Variants in PROSER3 observed in about 807,000 individuals in gnomAD.
The protein encoded by PROSER3 is proline and serine rich 3, also known as proline and serine-rich protein 3.
PROSER3 carries 33 observed loss-of-function variants against 50.2 expected under a neutral mutation model. That is an observed-to-expected ratio of 0.66 (90% confidence interval 0.50 to 0.88). The LOEUF is 0.88. Among genes scored for constraint, PROSER3 ranks in the 40% least tolerant of loss-of-function variants. PROSER3 has a pLI of 0.00. For missense variants in PROSER3, 623 were observed against 612.7 expected, an observed-to-expected ratio of 1.02 and a Z score of -0.18; for synonymous variants, 266 against 259.3, an observed-to-expected ratio of 1.03 and a Z score of -0.25.
At chr19:35,759,544 A>G (rs1970884690) in intron 2 of PROSER3, 74 bp downstream of exon 2, 2 of 1,346,402 alleles carry the variant, frequency 1.5e-6, no homozygotes, top group African/African-American at 1.5e-5. Context: ...GTAGGAAGAC[A>G]TGTGATGAGA....
chr19:35,758,270 G>A, intron 1 of PROSER3, 44 bp downstream of exon 1: 5 of 1,553,014 alleles, frequency 3.2e-6, no homozygotes, highest in Non-Finnish European at 3.5e-6. Flanking sequence ...GGCTGGGGAG[G>A]ACCAACGGCG....
At position 35,766,339 on chromosome 19, in the gene PROSER3, G is replaced by A. The variant is rs190702426; in HGVS notation, c.770-429G>A. Among the ~76,000 whole-genome samples the A allele has an allele frequency of 2.6e-5, 4 of 152,168 alleles. No individual in the cohort carries two copies. In the East Asian group the frequency reaches 5.8e-4, roughly 22 times the overall value. On this transcript the variant is annotated intron_variant, in intron 7 of 10. Coordinates refer to ENST00000396908, the Ensembl canonical transcript of PROSER3. Reference sequence around the variant, plus strand: ...TGGGATGATGATGGCTTGAGCCCAGGAGTTTGAGACCAGCTTGGGCAACAA... The same window carrying A: ...TGGGATGATGATGGCTTGAGCCCAGAAGTTTGAGACCAGCTTGGGCAACAA...
intron 3 of PROSER3, among the ~76,000 whole-genome samples, chr19:35,761,667 A>G (rs534347107): frequency 6.6e-6 from 1 of 152,292 alleles, no homozygotes; most frequent in South Asian, 2.1e-4. Context: ...GTCTCAAAAA[A>G]TAAACTAATT....
At chr19:35,764,989 A>G (rs1971090053) in intron 6 of PROSER3, 45 bp from the exon 7 acceptor site, 1 of 1,612,470 alleles carries the variant, frequency 6.2e-7, no homozygotes, top group African/African-American at 1.3e-5. Flanking sequence ...CACGTGGCCC[A>G]GGTCTCGAGA....
chr19:35,759,911 C>T (rs1970900957), exon 3 of PROSER3: 1 of 1,604,120 alleles, frequency 6.2e-7, no homozygotes. Context: ...GGACCCCCTC[C>T]CTGCCCAGCA....
chr19:35,764,288 G>C (rs1268013682), intron 5 of PROSER3, among the ~76,000 whole-genome samples: 1 of 152,164 alleles, frequency 6.6e-6, no homozygotes, highest in African/African-American at 2.4e-5. Flanking sequence ...TGAACCAGAG[G>C]ATAGAATGCT....
chr19:35,758,296 A>G lies in PROSER3; in HGVS notation c.11+70A>G, dbSNP rs3746275. On this transcript the variant is annotated intron_variant, in intron 1 of 10. Coordinates refer to ENST00000396908, the Ensembl canonical transcript of PROSER3. ...ACCAACGGCGAGAGCAGCACAGCCT[A>G]GGACGGGCTGGATACGGTCTGGAGT... The G allele has an allele frequency of 3.7e-5, 56 of 1,516,120 alleles. No homozygotes were observed. In the East Asian group the frequency reaches 1.4e-3, roughly 37 times the overall value. The allele number at this position is 1,516,120 out of a possible 1,614,324, so 93.9% of individuals were successfully genotyped here.
chr19:35,762,701 G>C (rs1282843131), intron 5 of PROSER3: 1 of 178,800 alleles, frequency 5.6e-6, no homozygotes, highest in Non-Finnish European at 1.1e-5. Context: ...ACTCCAGCCT[G>C]GGCAGTAGAG....
intron 3 of PROSER3, 24 bp from the exon 4 acceptor site, chr19:35,761,995 C>T (rs747093302): frequency 1.9e-6 from 3 of 1,570,962 alleles, no homozygotes; most frequent in East Asian, 2.3e-5. Context: ...ACTCCACTCA[C>T]CTCCTATCCC....
At chr19:35,767,151 AGC>A in intron 8 of PROSER3, 2 of 652,208 alleles carry the variant, frequency 3.1e-6, no homozygotes, top group Non-Finnish European at 4.9e-6. Flanking sequence ...AGTGTGGCCC[AGC>A]CTGGTCCACC....
At chr19:35,769,158 T>C (rs1971270627) in exon 11 of PROSER3, 3 of 152,188 alleles carry the variant, frequency 2.0e-5, no homozygotes, top group African/African-American at 7.2e-5. Context: ...AATCCTCAAA[T>C]TTCTGTCTGT....
intron 7 of PROSER3, among the ~76,000 whole-genome samples, chr19:35,766,167 C>T (rs984753829): frequency 2.6e-5 from 4 of 152,026 alleles, no homozygotes; most frequent in East Asian, 1.9e-4. Flanking sequence ...AGGGCTGTAG[C>T]GGGTGGGGGA....
intron 1 of PROSER3, 124 bp from the exon 2 acceptor site, chr19:35,759,250 G>C: frequency 1.3e-6 from 1 of 770,162 alleles, no homozygotes; most frequent in Admixed American, 2.5e-5. Context: ...GTGCTTCATG[G>C]AAATGACAGT....
rs750863961 is a variant in PROSER3 at position 35,762,376 on chromosome 19, C to T, written c.543+20C>T. On this transcript the variant is annotated intron_variant, in intron 5 of 10. Coordinates refer to ENST00000396908, the Ensembl canonical transcript of PROSER3. The stretch of plus-strand genomic sequence containing the variant: ...AAGCAGGTGACATCCCCATTCACTC[C>T]CTCCCTTGGGTGCCTGAACTGACAA... 1.9e-6 allele frequency: 3 copies of T among 1,568,212 alleles called. No individual in the cohort carries two copies. The highest frequency in any genetic ancestry group is 3.7e-5 in the Admixed American group (2 of 54,350).
intron 7 of PROSER3, among the ~76,000 whole-genome samples, chr19:35,765,812 A>T (rs1971122878): frequency 6.6e-6 from 1 of 152,154 alleles, no homozygotes; most frequent in African/African-American, 2.4e-5. Flanking sequence ...CACTAGGGTT[A>T]TAAGAATGGG....
exon 9 of PROSER3, chr19:35,767,951 C>G (rs1971217940): frequency 6.2e-7 from 1 of 1,610,242 alleles, no homozygotes; most frequent in Non-Finnish European, 8.5e-7. Flanking sequence ...GGCCTCGCCG[C>G]CAGCCTTCCA....
At chr19:35,767,114 C>T (rs1202123163) in intron 8 of PROSER3, 20 of 967,728 alleles carry the variant, frequency 2.1e-5, no homozygotes, top group Non-Finnish European at 2.9e-5. Flanking sequence ...TCTGGGGACC[C>T]AGCCTAACCA....
chr19:35,767,629 CAG>C (rs1971198746), intron 8 of PROSER3: 6 of 794,596 alleles, frequency 7.6e-6, no homozygotes, highest in Non-Finnish European at 9.9e-6. Flanking sequence ...GCCCTCAGCT[CAG>C]GGGTGTCCTG....
exon 10 of PROSER3, chr19:35,768,180 C>A (rs1971235109): frequency 2.5e-6 from 4 of 1,613,616 alleles, no homozygotes; most frequent in Non-Finnish European, 3.4e-6. Flanking sequence ...AGTTCCAGGA[C>A]GATCCCGTGC....
Sources: gnomAD v4.1 joint callset for allele counts (sites outside exome capture counted in the v4.1 genomes callset) on GRCh38, gnomAD v4.1.1 for gene constraint, MANE v1.5 for transcripts, NCBI Gene and HGNC (gene_info 2026-07-23, HGNC 2026-07-21) for gene names.